The following STXBP5L variants were observed in gnomAD, a reference collection of about 807,000 sequenced individuals.
The protein encoded by STXBP5L is syntaxin binding protein 5L.
Under a neutral mutation model 144.5 loss-of-function variants are expected in STXBP5L, and 65 were observed. The observed-to-expected ratio is 0.45, with a 90% CI of 0.37 to 0.55. The LOEUF is 0.55. Among genes scored for constraint, STXBP5L ranks in the 20% least tolerant of loss-of-function variants. The pLI, the probability that STXBP5L is intolerant of heterozygous loss-of-function variation, is 0.00. For synonymous variants in STXBP5L, 505 were observed against 469.6 expected (o/e 1.08, Z -0.97); for missense variants, 1,298 against 1,405.5 (o/e 0.92, Z 1.22).
chr3:121,333,508 G>T lies in STXBP5L; in HGVS notation c.2176+14968G>T, dbSNP rs1019553898. Among the ~76,000 whole-genome samples the T allele has an allele frequency of 6.1e-5, 9 of 148,256 alleles. 1 individual carries two copies. In the Admixed American group the frequency reaches 6.1e-4, roughly 10 times the overall value. On this transcript the variant is annotated intron_variant, in intron 20 of 26. Coordinates refer to ENST00000471454, the MANE Select transcript of STXBP5L (RefSeq NM_001308330.2). ...AAACCAACCCCAAAGCAGAAGACAA[G>T]AAATAACCAAAATCAGAGCTGAACT...
intron 7 of STXBP5L, among the ~76,000 whole-genome samples, chr3:121,125,560 A>G (rs1049733401): frequency 1.3e-5 from 2 of 152,148 alleles, no homozygotes; most frequent in African/African-American, 4.8e-5. Context: ...GCATTGGTCT[A>G]TCGAATACAA....
At chr3:120,981,449 A>G (rs998088368) in intron 3 of STXBP5L, among the ~76,000 whole-genome samples, 8 of 151,978 alleles carry the variant, frequency 5.3e-5, no homozygotes. Flanking sequence ...CTAGCTCTGA[A>G]GTTGTTTTTG....
intron 20 of STXBP5L, among the ~76,000 whole-genome samples, chr3:121,331,109 G>A (rs1483674985): frequency 1.3e-5 from 2 of 152,190 alleles, no homozygotes; most frequent in Admixed American, 1.3e-4. Context: ...GGAAGAGGGA[G>A]TGCACAACAT....
chr3:121,374,629 A>G (rs1173972734), intron 20 of STXBP5L, among the ~76,000 whole-genome samples: 1 of 152,192 alleles, frequency 6.6e-6, no homozygotes, highest in Non-Finnish European at 1.5e-5. Context: ...AGAACCAAAC[A>G]AATCCTAGAG....
intron 5 of STXBP5L, among the ~76,000 whole-genome samples, chr3:121,094,948 G>C (rs2043035384): frequency 6.6e-6 from 1 of 152,058 alleles, no homozygotes; most frequent in South Asian, 2.1e-4. Context: ...TCCTTCAGGA[G>C]CTCTTTTAGG....
chr3:121,205,589 C>T (rs1251372752), intron 9 of STXBP5L, among the ~76,000 whole-genome samples: 1 of 152,126 alleles, frequency 6.6e-6, no homozygotes, highest in Non-Finnish European at 1.5e-5. Context: ...TATGTGTGGT[C>T]TTCAATTCTA....
intron 5 of STXBP5L, among the ~76,000 whole-genome samples, chr3:121,095,473 C>T (rs190839790): frequency 6.6e-6 from 1 of 152,274 alleles, no homozygotes; most frequent in East Asian, 1.9e-4. Context: ...TTCTTGGAGG[C>T]TTTGTTCATT....
At chr3:121,099,190 A>T (rs757129607) in intron 5 of STXBP5L, 3 of 152,166 alleles carry the variant, frequency 2.0e-5, no homozygotes, top group Non-Finnish European at 4.4e-5. Flanking sequence ...ATATAATAGA[A>T]AGGTTGGTGG....
chr3:121,064,810 G>A (rs1409265851), intron 5 of STXBP5L, among the ~76,000 whole-genome samples: 2 of 152,182 alleles, frequency 1.3e-5, no homozygotes, highest in Non-Finnish European at 2.9e-5. Context: ...ATTATGTGAT[G>A]CTGAGGTTTG....
chr3:121,218,336 ATATAATATACTATATATGCTAG>A (rs1277875605), intron 10 of STXBP5L, among the ~76,000 whole-genome samples: 1 of 135,400 alleles, frequency 7.4e-6, no homozygotes, highest in Non-Finnish European at 1.6e-5. Flanking sequence ...ACTAGCTTAT[ATATAATATACTATATATGCTAG>A]TATAATATAC....
intron 2 of STXBP5L, among the ~76,000 whole-genome samples, chr3:120,948,542 A>G (rs1055151656): frequency 7.3e-5 from 11 of 151,704 alleles, no homozygotes; most frequent in Admixed American, 2.6e-4. Flanking sequence ...TGTAGTTTTT[A>G]ACTCTCACCC....
intron 9 of STXBP5L, among the ~76,000 whole-genome samples, chr3:121,195,126 A>T (rs1218223141): frequency 6.6e-6 from 1 of 151,716 alleles, no homozygotes; most frequent in East Asian, 1.9e-4. Context: ...GGATTTCATT[A>T]TGTTGGCCAG....
At chr3:121,274,255 G>A (rs1453603265) in intron 18 of STXBP5L, among the ~76,000 whole-genome samples, 4 of 152,168 alleles carry the variant, frequency 2.6e-5, no homozygotes, top group African/African-American at 9.7e-5. Context: ...ATGGCTACAA[G>A]GGCACCAGCT....
chr3:121,070,669 A>G (rs892469121), intron 5 of STXBP5L, among the ~76,000 whole-genome samples: 4 of 152,052 alleles, frequency 2.6e-5, no homozygotes, highest in African/African-American at 9.7e-5. Context: ...CCAAGAACAG[A>G]CATACCCCAC....
intron 3 of STXBP5L, among the ~76,000 whole-genome samples, chr3:120,999,259 G>T (rs1943586450): frequency 6.6e-6 from 1 of 152,100 alleles, no homozygotes; most frequent in Non-Finnish European, 1.5e-5. Flanking sequence ...CACCGTGTTG[G>T]CCAGGCTTGT....
At chr3:121,232,018 C>T (rs1443919860) in intron 11 of STXBP5L, among the ~76,000 whole-genome samples, 2 of 152,164 alleles carry the variant, frequency 1.3e-5, no homozygotes, top group African/African-American at 2.4e-5. Flanking sequence ...AGGTTGACCT[C>T]CAGCCAATAA....
intron 24 of STXBP5L, 58 bp from the exon 25 acceptor site, chr3:121,415,799 T>C: frequency 2.5e-6 from 3 of 1,205,170 alleles, no homozygotes; most frequent in Non-Finnish European, 3.6e-6. Context: ...TGTTACCTTT[T>C]TGTATATTAA....
chr3:121,359,182 G>T (rs1025119291), intron 20 of STXBP5L, among the ~76,000 whole-genome samples: 8 of 152,096 alleles, frequency 5.3e-5, no homozygotes, highest in Non-Finnish European at 1.2e-4. Flanking sequence ...CATTAGTTTT[G>T]ATTTGCATTT....
chr3:121,324,278 T>A (rs1475507874), intron 20 of STXBP5L, among the ~76,000 whole-genome samples: 2 of 152,170 alleles, frequency 1.3e-5, no homozygotes, highest in Non-Finnish European at 2.9e-5. Context: ...GGCATTCCTA[T>A]GTGCCTAAAG....
Sources: allele counts gnomAD v4.1 joint callset (sites outside exome capture counted in the v4.1 genomes callset), GRCh38; gene constraint gnomAD v4.1.1; transcripts MANE v1.5; gene names NCBI Gene and HGNC (gene_info 2026-07-23, HGNC 2026-07-21).